The following ANKS1B variants were observed in gnomAD, a reference collection of about 807,000 sequenced individuals.
ANKS1B encodes ankyrin repeat and sterile alpha motif domain-containing protein 1B.
ANKS1B carries 36 observed loss-of-function variants against 148.3 expected under a neutral mutation model. That is an observed-to-expected ratio of 0.24 (90% CI 0.19 to 0.32). ANKS1B has a LOEUF of 0.32. ANKS1B is among the 10% of genes least tolerant of loss of function. The pLI is 1.00. For synonymous variants in ANKS1B, 542 were observed against 560.8 expected (o/e 0.97, Z 0.47); for missense variants, 1,157 against 1,542.6 (o/e 0.75, Z 4.19).
intron 25 of ANKS1B, among the ~76,000 whole-genome samples, chr12:98,752,385 A>G (rs1212335954): frequency 6.6e-6 from 1 of 151,878 alleles, no homozygotes; most frequent in Non-Finnish European, 1.5e-5. Context: ...CAGCCTCCCG[A>G]GTAGCTGGGA....
intron 14 of ANKS1B, among the ~76,000 whole-genome samples, chr12:99,181,692 T>G (rs1055653279): frequency 6.6e-6 from 1 of 152,194 alleles, no homozygotes; most frequent in South Asian, 2.1e-4. Context: ...TGTATATACT[T>G]ATGGGGTATA....
At chr12:98,771,243 C>A (rs1216572495) in intron 25 of ANKS1B, among the ~76,000 whole-genome samples, 1 of 152,044 alleles carries the variant, frequency 6.6e-6, no homozygotes, top group Non-Finnish European at 1.5e-5. Flanking sequence ...GATCATAGCT[C>A]AGTGAAGCCT....
At chr12:99,506,077 A>G (rs1034662199) in intron 9 of ANKS1B, among the ~76,000 whole-genome samples, 3 of 152,054 alleles carry the variant, frequency 2.0e-5, no homozygotes, top group African/African-American at 7.2e-5. Flanking sequence ...GTATATTGCT[A>G]GCCCAGGAAA....
chr12:99,361,277 TA>T (rs76987586), intron 12 of ANKS1B, among the ~76,000 whole-genome samples: 2 of 151,890 alleles, frequency 1.3e-5, no homozygotes, highest in African/African-American at 2.4e-5. Flanking sequence ...ACATTAAAAA[TA>T]AAAAAAATTA....
intron 9 of ANKS1B, among the ~76,000 whole-genome samples, chr12:99,591,034 A>AT (rs58040041): frequency 0.17 from 25,285 of 150,224 alleles, 2,346 homozygotes; most frequent in East Asian, 0.22. Context: ...GGTAAAGAAT[A>AT]TTTTTTTTTT....
intron 12 of ANKS1B, among the ~76,000 whole-genome samples, chr12:99,369,086 G>A (rs961270674): frequency 6.6e-6 from 1 of 152,036 alleles, no homozygotes; most frequent in Admixed American, 6.6e-5. Flanking sequence ...ATTGCAAAGG[G>A]CAAACAGACC....
intron 8 of ANKS1B, among the ~76,000 whole-genome samples, chr12:99,716,649 A>G (rs554679108): frequency 7.2e-5 from 11 of 152,086 alleles, no homozygotes; most frequent in African/African-American, 2.7e-4. Flanking sequence ...CTTGTCGTAA[A>G]ATGGGCAAAC....
chr12:98,972,182 A>AC (rs113274367), intron 17 of ANKS1B, among the ~76,000 whole-genome samples: 27,143 of 152,082 alleles, frequency 0.18, 2,612 homozygotes, highest in African/African-American at 0.23. Flanking sequence ...TAACAAACAA[A>AC]AAATTTCACA....
At chr12:99,812,518 C>CAT (rs2068505865) in intron 2 of ANKS1B, among the ~76,000 whole-genome samples, 1 of 75,420 alleles carries the variant, frequency 1.3e-5, no homozygotes, top group South Asian at 5.1e-4. Flanking sequence ...ATGCCACACA[C>CAT]ACACACACAC....
intron 17 of ANKS1B, among the ~76,000 whole-genome samples, chr12:98,891,530 C>T (rs567084274): frequency 1.7e-4 from 26 of 152,238 alleles, no homozygotes; most frequent in African/African-American, 6.3e-4. Flanking sequence ...ATTACATCTA[C>T]ATAAAAATAA....
chr12:99,663,206 T>C (rs975582226), intron 8 of ANKS1B, among the ~76,000 whole-genome samples: 3 of 152,114 alleles, frequency 2.0e-5, no homozygotes, highest in Non-Finnish European at 4.4e-5. Flanking sequence ...ATCAGATAGA[T>C]GATAGGTCAG....
intron 17 of ANKS1B, among the ~76,000 whole-genome samples, chr12:98,849,830 A>G (rs1468576234): frequency 6.6e-6 from 1 of 152,224 alleles, no homozygotes; most frequent in East Asian, 1.9e-4. Flanking sequence ...CTTCAATACA[A>G]AAGGGCTTAA....
At chr12:99,624,212 T>C (rs1270497184) in intron 9 of ANKS1B, among the ~76,000 whole-genome samples, 1 of 151,992 alleles carries the variant, frequency 6.6e-6, no homozygotes, top group Non-Finnish European at 1.5e-5. Context: ...GTGCAAAAGA[T>C]TAAAACTGGA....
intron 9 of ANKS1B, chr12:99,648,037 TG>T: frequency 8.1e-7 from 1 of 1,231,202 alleles, no homozygotes. Flanking sequence ...CTCAGTCACT[TG>T]GGGACAAAAA....
In ANKS1B at chr12:99,655,172, C is replaced by T. The variant is rs868763693; in HGVS notation, c.1167G>A (p.Val389=). ...TATTTTCATCATCATCCTCTTCTTCCACTTCTCCTGGTGACAAATTGATTG... is the reference window on the plus strand; with the variant it reads ...TATTTTCATCATCATCCTCTTCTTCTACTTCTCCTGGTGACAAATTGATTG... ...SSTINLSPGE[V]EEEDDDENTC... is the part of the protein sequence containing the mutation. The change falls in exon 9 of 27, where the codon GTG becomes GTA. Residue 389 remains valine (V), a synonymous_variant. Transcript: ENST00000683438. The T allele has an allele frequency of 1.2e-6, 2 of 1,612,048 alleles. No individual in the cohort carries two copies. The highest frequency in any genetic ancestry group is 1.7e-6 in the Non-Finnish European group (2 of 1,178,810).
At chr12:99,853,189 C>T (rs907111638) in intron 1 of ANKS1B, among the ~76,000 whole-genome samples, 1 of 152,146 alleles carries the variant, frequency 6.6e-6, no homozygotes, top group Non-Finnish European at 1.5e-5. Flanking sequence ...CACCCACTCC[C>T]AGACCCTAGG....
At chr12:99,432,583 C>T (rs546780296) in intron 11 of ANKS1B, among the ~76,000 whole-genome samples, 8 of 152,170 alleles carry the variant, frequency 5.3e-5, no homozygotes, top group African/African-American at 1.7e-4. Context: ...AACAAATCAA[C>T]GCATAATGTT....
intron 15 of ANKS1B, among the ~76,000 whole-genome samples, chr12:99,085,507 G>A (rs993580278): frequency 6.6e-6 from 1 of 152,022 alleles, no homozygotes; most frequent in Non-Finnish European, 1.5e-5. Flanking sequence ...CAGATTTTGT[G>A]CGGAAGGCTG....
At chr12:99,045,265 T>C (rs923342338) in intron 17 of ANKS1B, among the ~76,000 whole-genome samples, 9 of 152,176 alleles carry the variant, frequency 5.9e-5, no homozygotes, top group Non-Finnish European at 1.5e-5. Flanking sequence ...GGCACATGTG[T>C]TTTTTAAAAA....
Sources: gnomAD v4.1 joint callset for allele counts (sites outside exome capture counted in the v4.1 genomes callset) on GRCh38, gnomAD v4.1.1 for gene constraint, MANE v1.5 for transcripts, NCBI Gene and HGNC (gene_info 2026-07-23, HGNC 2026-07-21) for gene names.